The following SAMHD1 variants were observed in gnomAD, a reference collection of about 807,000 sequenced individuals.
The protein encoded by SAMHD1 is deoxynucleoside triphosphate triphosphohydrolase SAMHD1.
A neutral mutation model predicts 79.6 loss-of-function variants in SAMHD1; 54 were observed. The ratio of observed to expected loss-of-function variants is 0.68; its 90% CI spans 0.55 to 0.85. SAMHD1 has a LOEUF of 0.85. Ranked by LOEUF, SAMHD1 falls within the 40% of genes least tolerant of loss-of-function variation. The pLI, the probability that SAMHD1 is intolerant of heterozygous loss-of-function variation, is 0.00. For missense variants in SAMHD1, 663 were observed against 782.7 expected (o/e 0.85, Z 1.82); for synonymous variants, 260 against 264.1 (o/e 0.98, Z 0.15).
intron 3 of SAMHD1, among the ~76,000 whole-genome samples, chr20:36,939,892 C>T (rs1361244207): frequency 1.3e-5 from 2 of 152,088 alleles, no homozygotes; most frequent in East Asian, 3.9e-4. Flanking sequence ...TTTAGAATCA[C>T]TCTGAAGAGC....
intron 4 of SAMHD1, among the ~76,000 whole-genome samples, chr20:36,931,828 TA>T (rs1361741199): frequency 6.6e-6 from 1 of 150,948 alleles, no homozygotes; most frequent in South Asian, 2.1e-4. Flanking sequence ...AATTTAAAAA[TA>T]AAAAATAAAA....
intron 11 of SAMHD1, 39 bp from the exon 12 acceptor site, chr20:36,905,542 AAC>A (rs1568763135): frequency 2.6e-6 from 4 of 1,524,324 alleles, no homozygotes; most frequent in East Asian, 2.3e-5. Flanking sequence ...TTAAAATAAA[AAC>A]ACAGAGTTAA....
Position 36,897,867 on chromosome 20 carries a change from T to G in SAMHD1, c.1701A>C (p.Gln567His), listed in dbSNP as rs754164797. ...VDRKSLYAAR[Q>H]YFVQWCADRN... ...TGTCTGCACACCACTGAACAAAATA[T>G]TGTCTTGCGGCATACAAACTCTTTC... The change falls in exon 15 of 16, where the codon CAA becomes CAC. Residue 567 changes from glutamine (Q) to histidine (H), a missense_variant. Coordinates refer to ENST00000646673, the MANE Select transcript of SAMHD1 (RefSeq NM_015474.4). The G allele has an allele frequency of 6.2e-7, 1 of 1,614,208 alleles. No individual in the cohort carries two copies.
intron 3 of SAMHD1, among the ~76,000 whole-genome samples, chr20:36,938,835 G>C (rs1247324324): frequency 3.3e-5 from 5 of 151,890 alleles, no homozygotes; most frequent in Non-Finnish European, 5.9e-5. Context: ...GACAGAGCAA[G>C]ACTCCATCTC....
At chr20:36,940,959 A>G in intron 3 of SAMHD1, 80 bp downstream of exon 3, 1 of 1,075,384 alleles carries the variant, frequency 9.3e-7, no homozygotes, top group Admixed American at 1.8e-5. Flanking sequence ...ATTTCCTCCT[A>G]TTCTCTTCAA....
At chr20:36,926,970 A>C in intron 6 of SAMHD1, 1 of 519,830 alleles carries the variant, frequency 1.9e-6, no homozygotes, top group African/African-American at 1.9e-5. Context: ...AAGTTCCTTT[A>C]TTTGTAAAAA....
rs769234037 is a variant in SAMHD1, at chr20:36,897,898, A to C, written c.1670T>G (p.Val557Gly). The C allele has an allele frequency of 2.0e-5, 32 of 1,614,078 alleles. No individual in the cohort carries two copies. Among genetic ancestry groups the C allele is most frequent in the Non-Finnish European group, 2.2e-5 (26 of 1,180,040 alleles). Residue 557 changes from valine (V) to glycine (G), a missense_variant, in exon 15 of 16, where the codon GTG (valine) becomes GGG (glycine). Transcript: ENST00000646673. ...EQLIRVYCKK[V>G]DRKSLYAARQ... is the part of the protein sequence containing the mutation. ...TGCGGCATACAAACTCTTTCTGTCC[A>C]CCTTCTTACAATATACTCGAATCAG...
intron 15 of SAMHD1, 102 bp from the exon 16 acceptor site, chr20:36,893,168 T>A: frequency 7.0e-7 from 1 of 1,434,616 alleles, no homozygotes; most frequent in Non-Finnish European, 9.7e-7. Context: ...ATCTTGCATA[T>A]AGATTGCTTC....
At chr20:36,941,468 A>T (rs958173862) in intron 2 of SAMHD1, among the ~76,000 whole-genome samples, 1 of 152,186 alleles carries the variant, frequency 6.6e-6, no homozygotes, top group Non-Finnish European at 1.5e-5. Flanking sequence ...TCCTGGATTG[A>T]TTTATGAGCA....
intron 15 of SAMHD1, among the ~76,000 whole-genome samples, chr20:36,894,416 A>G (rs1377834427): frequency 6.6e-6 from 1 of 151,246 alleles, no homozygotes; most frequent in Non-Finnish European, 1.5e-5. Context: ...TATTTTTAGT[A>G]GAGATGGGGT....
chr20:36,935,309 T>C, intron 3 of SAMHD1, 120 bp from the exon 4 acceptor site: 1 of 798,404 alleles, frequency 1.3e-6, no homozygotes, highest in Non-Finnish European at 2.1e-6. Context: ...GTAAAAATAC[T>C]AACGGAAATG....
At chr20:36,928,642 G>A (rs559064066) in intron 5 of SAMHD1, among the ~76,000 whole-genome samples, 9 of 149,612 alleles carry the variant, frequency 6.0e-5, no homozygotes, top group African/African-American at 9.8e-5. Context: ...CCGAGATTGC[G>A]CCACTGCACT....
At chr20:36,947,159 T>C (rs1002156688) in intron 1 of SAMHD1, 7 of 244,202 alleles carry the variant, frequency 2.9e-5, no homozygotes, top group Admixed American at 1.1e-4. Context: ...CTATTGTTCT[T>C]AGAATTAACA....
intron 2 of SAMHD1, among the ~76,000 whole-genome samples, chr20:36,946,170 T>C (rs566232064): frequency 2.5e-4 from 38 of 151,968 alleles, no homozygotes; most frequent in African/African-American, 8.9e-4. Context: ...TCCAGCACTC[T>C]GGGAGGCTGA....
intron 3 of SAMHD1, among the ~76,000 whole-genome samples, chr20:36,937,765 TG>T (rs2063613814): frequency 6.6e-6 from 1 of 152,158 alleles, no homozygotes; most frequent in African/African-American, 2.4e-5. Flanking sequence ...TTTAAGGTAT[TG>T]ATTTCATTAC....
chr20:36,907,848 ATTT>A (rs545877485), intron 11 of SAMHD1, among the ~76,000 whole-genome samples: 3 of 149,754 alleles, frequency 2.0e-5, no homozygotes, highest in African/African-American at 7.4e-5. Context: ...AGCTTGTTCA[ATTT>A]TTTTTTTAAC....
At chr20:36,902,098 T>C (rs1568761259) in intron 13 of SAMHD1, among the ~76,000 whole-genome samples, 1 of 152,160 alleles carries the variant, frequency 6.6e-6, no homozygotes, top group Non-Finnish European at 1.5e-5. Flanking sequence ...GGGTTACTCA[T>C]GAGGATGAAT....
intron 4 of SAMHD1, among the ~76,000 whole-genome samples, chr20:36,933,751 A>G (rs2063582441): frequency 6.6e-6 from 1 of 151,410 alleles, no homozygotes; most frequent in South Asian, 2.1e-4. Context: ...CCGGCCTCCC[A>G]AAGTGCTGAG....
intron 11 of SAMHD1, among the ~76,000 whole-genome samples, chr20:36,907,879 A>AT: frequency 6.6e-6 from 1 of 150,954 alleles, no homozygotes; most frequent in Non-Finnish European, 1.5e-5. Context: ...TTACTTATTT[A>AT]TTTATTTTAT....
Sources: gnomAD v4.1 joint callset for allele counts (sites outside exome capture counted in the v4.1 genomes callset) on GRCh38, gnomAD v4.1.1 for gene constraint, MANE v1.5 for transcripts, NCBI Gene and HGNC (gene_info 2026-07-23, HGNC 2026-07-21) for gene names.